BCORL1: variants seen among roughly 807,000 people sequenced by gnomAD.
BCORL1 encodes BCL-6 corepressor-like protein 1.
BCORL1 carries 7 observed loss-of-function variants against 87.6 expected under a neutral mutation model. The ratio of observed to expected loss-of-function variants is 0.08; its 90% CI spans 0.05 to 0.15. The LOEUF (loss-of-function observed/expected upper bound fraction) is 0.15. BCORL1 is among the 10% of genes least tolerant of loss of function. The pLI is 1.00. For missense variants in BCORL1, 1,215 were observed against 1,499.7 expected (o/e 0.81, Z 3.13); for synonymous variants, 591 against 634.4 (o/e 0.93, Z 1.03).
intron 1 of BCORL1, among the ~76,000 whole-genome samples, chrX:129,989,594 G>C (rs1926934993): frequency 9.9e-6 from 1 of 100,827 alleles, no homozygotes; most frequent in Admixed American, 1.1e-4. Context: ...AGCCTCCTGA[G>C]TAGCTGGGAT....
intron 1 of BCORL1, among the ~76,000 whole-genome samples, chrX:129,995,309 C>T (rs748208884): frequency 3.6e-5 from 4 of 110,826 alleles, no homozygotes; most frequent in African/African-American, 1.3e-4. Flanking sequence ...TCTGGCCTCT[C>T]TATGGGACTC....
intron 1 of BCORL1, among the ~76,000 whole-genome samples, chrX:130,002,667 G>A (rs889624675): frequency 8.3e-5 from 9 of 107,807 alleles, no homozygotes; most frequent in Non-Finnish European, 1.3e-4. Flanking sequence ...AGGTGGGAAC[G>A]GGGAGAAAGT....
At chrX:129,987,963 GA>G (rs1926774220) in intron 1 of BCORL1, among the ~76,000 whole-genome samples, 1 of 111,694 alleles carries the variant, frequency 9.0e-6, no homozygotes, top group East Asian at 2.8e-4. Context: ...GGTAGAATAG[GA>G]AAAGGTAGAA....
intron 8 of BCORL1, among the ~76,000 whole-genome samples, chrX:130,031,796 A>T (rs1930623144): frequency 9.0e-6 from 1 of 111,529 alleles, no homozygotes; most frequent in South Asian, 3.7e-4. Flanking sequence ...AAACAAACAA[A>T]CAACAACAAC....
intron 13 of BCORL1, among the ~76,000 whole-genome samples, chrX:130,053,740 G>A (rs1305417495): frequency 1.8e-5 from 2 of 112,108 alleles, no homozygotes; most frequent in Non-Finnish European, 3.8e-5. Flanking sequence ...AGTTGGGGGT[G>A]GGGGTGCTAG....
At chrX:130,002,349 G>A (rs757634678) in intron 1 of BCORL1, among the ~76,000 whole-genome samples, 4 of 109,324 alleles carry the variant, frequency 3.7e-5, no homozygotes, top group African/African-American at 1.3e-4. Flanking sequence ...TGCATCAAGG[G>A]GCGAGCTGAA....
chrX:130,007,208 C>G (rs1928575791), intron 2 of BCORL1, among the ~76,000 whole-genome samples: 2 of 112,030 alleles, frequency 1.8e-5, no homozygotes, highest in South Asian at 7.3e-4. Context: ...CCATTAGTGC[C>G]TGATAGCTTA....
chrX:130,009,208 T>A (rs1013310807), intron 2 of BCORL1, among the ~76,000 whole-genome samples: 3 of 111,130 alleles, frequency 2.7e-5, no homozygotes, highest in African/African-American at 9.8e-5. Flanking sequence ...CTCACGCCTA[T>A]AATCCCAGCA....
intron 13 of BCORL1, among the ~76,000 whole-genome samples, chrX:130,053,822 C>A (rs1410131113): frequency 8.9e-6 from 1 of 112,248 alleles, no homozygotes; most frequent in Non-Finnish European, 1.9e-5. Context: ...AGACTGAATT[C>A]TCATCACTAG....
chrX:129,995,662 A>G (rs762557234), intron 1 of BCORL1, among the ~76,000 whole-genome samples: 40 of 108,503 alleles, frequency 3.7e-4, no homozygotes, highest in Non-Finnish European at 7.3e-4. Context: ...CTGGTCTTGA[A>G]CTCCAGACCT....
intron 9 of BCORL1, among the ~76,000 whole-genome samples, chrX:130,036,874 G>A (rs931850219): frequency 1.8e-5 from 2 of 111,766 alleles, no homozygotes; most frequent in Admixed American, 9.5e-5. Flanking sequence ...GGCCAGGTGC[G>A]GTGGCTCACG....
intron 1 of BCORL1, among the ~76,000 whole-genome samples, chrX:130,003,621 T>A (rs1389029786): frequency 9.0e-6 from 1 of 111,545 alleles, no homozygotes. Context: ...TCCACCTGCC[T>A]CGGCCTCCCA....
chrX:130,033,146 A>G (rs939598873), intron 8 of BCORL1, among the ~76,000 whole-genome samples: 1 of 107,087 alleles, frequency 9.3e-6, no homozygotes, highest in Non-Finnish European at 1.9e-5. Flanking sequence ...CAGTGCCGCA[A>G]TCTTGGCATA....
chrX:129,984,134 G>A (rs952590770), intron 1 of BCORL1, among the ~76,000 whole-genome samples: 1 of 19,924 alleles, frequency 5.0e-5, no homozygotes, highest in African/African-American at 2.2e-4. Context: ...GGGCTCCGGC[G>A]GGCGGCGGGG....
chrX:130,035,161 A>C (rs776992364), intron 9 of BCORL1, among the ~76,000 whole-genome samples: 1 of 111,949 alleles, frequency 8.9e-6, no homozygotes, highest in Non-Finnish European at 1.9e-5. Context: ...TTTATTGAGC[A>C]CTTCTTTTGT....
chrX:130,045,328 C>CTGA (rs1931680640), intron 11 of BCORL1, among the ~76,000 whole-genome samples: 10 of 112,421 alleles, frequency 8.9e-5, no homozygotes, highest in Admixed American at 6.6e-4. Context: ...TCAGGACACT[C>CTGA]TGCCTTCCAC....
In BCORL1 at chrX:130,033,239, G is replaced by A. The variant is rs375072711; in HGVS notation, c.4306-1216G>A. 3.6e-5 allele frequency among the ~76,000 whole-genome samples: 4 copies of A among 110,394 alleles called. No individual in the cohort carries two copies. The Admixed American group carries it at 3.9e-4, about 11-fold the overall frequency. On this transcript the variant is annotated intron_variant, in intron 8 of 13. Transcript: ENST00000540052. ...TGGAACTATAGGCGTGTACCACCAC[G>A]CCCAGCTGATTTTTTGTATTTTTAG...
chrX:130,025,482 C>T (rs368123241), intron 7 of BCORL1, 103 bp downstream of exon 7: 6 of 780,876 alleles, frequency 7.7e-6, no homozygotes, highest in East Asian at 3.4e-5. Flanking sequence ...CAGAGAAACC[C>T]GGTGCTATGA....
At position 130,014,755 on chromosome X, in the gene BCORL1, C is replaced by A. The variant is rs1484129390; in HGVS notation, c.1983C>A (p.Val661=). ...GCAGCAAGGCCCTCCTCTCCACAGT[C>A]CTGTCTAGGTCTCAGCGCACAACCC... ...HTSSKALLST[V]LSRSQRTTQA... The change falls in exon 4 of 14, where the codon GTC becomes GTA. Residue 661 remains valine (V), a synonymous_variant. Coordinates refer to ENST00000540052, the MANE Select transcript of BCORL1 (RefSeq NM_001379451.1). 8.3e-7 allele frequency: 1 copy of A among 1,211,682 alleles called. No homozygotes were observed. Among genetic ancestry groups the A allele is most frequent in the Non-Finnish European group, 1.1e-6 (1 of 895,483 alleles).
Sources: gnomAD v4.1 joint callset for allele counts (sites outside exome capture counted in the v4.1 genomes callset) on GRCh38, gnomAD v4.1.1 for gene constraint, MANE v1.5 for transcripts, NCBI Gene and HGNC (gene_info 2026-07-23, HGNC 2026-07-21) for gene names.